Variants in INHBC observed in about 807,000 individuals in gnomAD.
The protein encoded by INHBC is inhibin subunit beta C, also known as inhibin beta C chain.
A neutral mutation model predicts 12.4 loss-of-function variants in INHBC; 10 were observed. That is an observed-to-expected ratio of 0.81 (90% CI 0.50 to 1.37). INHBC has a LOEUF of 1.37. Among genes scored for constraint, INHBC ranks in the 40% most tolerant of loss-of-function variants. The pLI is 0.00. For missense variants in INHBC, 382 were observed against 439.4 expected (o/e 0.87, Z 1.17); for synonymous variants, 147 against 171.6 (o/e 0.86, Z 1.12).
rs1439593850 is a variant in INHBC at position 57,435,318 on chromosome 12, A to G, written c.313+119A>G. Reference sequence around the variant, plus strand: ...AAACCATCCAACCCCTGCTTCCCACAGGCTATAATCTCCTTACCCAGGTGT... The same window carrying G: ...AAACCATCCAACCCCTGCTTCCCACGGGCTATAATCTCCTTACCCAGGTGT... On this transcript the variant is annotated intron_variant, in intron 1 of 1. Transcript: ENST00000309668. 9.3e-6 allele frequency: 9 copies of G among 970,888 alleles called. No homozygotes were observed. The African/African-American group carries it at 1.5e-4, about 16-fold the overall frequency. The allele number at this position is 970,888 out of a possible 1,614,324, so 60.1% of individuals were successfully genotyped here. A position where few individuals can be genotyped will look rare whatever the true frequency, so the allele number is the denominator to read the frequency against.
At chr12:57,437,494 C>T (rs894595756) in intron 1 of INHBC, among the ~76,000 whole-genome samples, 6 of 151,488 alleles carry the variant, frequency 4.0e-5, no homozygotes, top group East Asian at 2.0e-4. Flanking sequence ...ATGGTGAAAC[C>T]CCGTCTCTAC....
At chr12:57,446,241 A>C (rs1029169979) in intron 1 of INHBC, among the ~76,000 whole-genome samples, 22 of 151,408 alleles carry the variant, frequency 1.5e-4, no homozygotes, top group Admixed American at 1.4e-3. Flanking sequence ...CGGCCTAAAA[A>C]TTTTTTTTTA....
At chr12:57,448,246 G>T (rs1007786372) in intron 1 of INHBC, among the ~76,000 whole-genome samples, 40 of 151,930 alleles carry the variant, frequency 2.6e-4, no homozygotes, top group Non-Finnish European at 3.5e-4. Flanking sequence ...TCTGGTCTGG[G>T]CATACAGATT....
At chr12:57,437,112 G>T (rs1403035604) in intron 1 of INHBC, among the ~76,000 whole-genome samples, 1 of 152,106 alleles carries the variant, frequency 6.6e-6, no homozygotes, top group Non-Finnish European at 1.5e-5. Context: ...ATAGCTGGGT[G>T]CGGTGGAGTG....
At chr12:57,446,850 G>A (rs1870589718) in intron 1 of INHBC, among the ~76,000 whole-genome samples, 1 of 151,990 alleles carries the variant, frequency 6.6e-6, no homozygotes, top group African/African-American at 2.4e-5. Context: ...TGTCGATAGA[G>A]GAGAAAAAGA....
intron 1 of INHBC, among the ~76,000 whole-genome samples, chr12:57,441,767 C>A (rs1870471239): frequency 6.6e-6 from 1 of 151,624 alleles, no homozygotes; most frequent in South Asian, 2.1e-4. Context: ...CTGCAACCTC[C>A]ATCTCCAGGG....
rs1241342566 is a variant in INHBC at position 57,447,892 on chromosome 12, AATATATATATATATATAT to A, written c.314-1371_314-1354del. On this transcript the variant is annotated intron_variant, in intron 1 of 1. Transcript: ENST00000309668. ...AAAAAAAAAAAAAAAAAAAAAAAAA[AATATATATATATATATAT>A]ATATATATATATAAAATATATGTGT... Among the ~76,000 whole-genome samples the A allele has an allele frequency of 1.5e-3, 30 of 19,880 alleles. No individual in the cohort carries two copies. The South Asian group carries it at 0.041, about 27-fold the overall frequency. The allele number at this position is 19,880 out of a possible 152,430, so 13.0% of individuals were successfully genotyped here. A position where few individuals can be genotyped will look rare whatever the true frequency, so the allele number is the denominator to read the frequency against.
intron 1 of INHBC, among the ~76,000 whole-genome samples, chr12:57,444,526 G>A (rs1870535215): frequency 6.9e-6 from 1 of 145,022 alleles, no homozygotes; most frequent in Non-Finnish European, 1.5e-5. Context: ...GGGTGACAGA[G>A]CAAGACTCTG....
At chr12:57,440,301 C>A (rs1421198297) in intron 1 of INHBC, among the ~76,000 whole-genome samples, 2 of 145,806 alleles carry the variant, frequency 1.4e-5, no homozygotes, top group Admixed American at 6.9e-5. Flanking sequence ...GAAATATTTT[C>A]TCTAAATTCT....
chr12:57,446,446 G>A (rs1252346812), intron 1 of INHBC, among the ~76,000 whole-genome samples: 1 of 147,920 alleles, frequency 6.8e-6, no homozygotes, highest in Non-Finnish European at 1.5e-5. Context: ...GAAGAGAAGG[G>A]AGCTTAGGAC....
Position 57,434,843 on chromosome 12 carries a change from C to G in INHBC, c.-44C>G. 3.9e-6 allele frequency: 6 copies of G among 1,553,034 alleles called. No individual in the cohort carries two copies. The highest frequency in any genetic ancestry group is 5.3e-6 in the Non-Finnish European group (6 of 1,142,184). ...AGTTGAGACCACAGCTGTTGAGACCCTGAGCCCTGAGTCTGTATTGCTCAA... is the reference window on the plus strand; with the variant it reads ...AGTTGAGACCACAGCTGTTGAGACCGTGAGCCCTGAGTCTGTATTGCTCAA... On this transcript the variant is annotated 5_prime_UTR_variant, in exon 1 of 2. Transcript: ENST00000309668.
rs192634299 is a variant in INHBC at position 57,451,648 on chromosome 12, G to A, written c.*1626G>A. ...CTCAGTTTATGACCCCCTCCTATGA[G>A]GGTAAGAGGTCCCTGAAATAGGAAC... On this transcript the variant is annotated 3_prime_UTR_variant, in exon 2 of 2. Coordinates refer to ENST00000309668, the MANE Select transcript of INHBC (RefSeq NM_005538.4). Among the ~76,000 whole-genome samples, 21 of 152,260 alleles carry A rather than the reference G, an allele frequency of 1.4e-4. No individual in the cohort carries two copies. Among genetic ancestry groups the A allele is most frequent in the African/African-American group, 4.6e-4 (19 of 41,548 alleles).
At position 57,434,786 on chromosome 12, in the gene INHBC, A is replaced by T. The variant is rs557996031; in HGVS notation, c.-101A>T. ...AAGGAGCCATGCCAGCTGGACACAC[A>T]CTTCTTCCAGGGCCTCTGGCAGCCA... On this transcript the variant is annotated 5_prime_UTR_variant, in exon 1 of 2. Transcript: ENST00000309668. 1 of 1,117,104 alleles carries T rather than the reference A, an allele frequency of 9.0e-7. No individual in the cohort carries two copies. Among genetic ancestry groups the T allele is most frequent in the South Asian group, 1.6e-5 (1 of 64,494 alleles). The allele number at this position is 1,117,104 out of a possible 1,614,324, so 69.2% of individuals were successfully genotyped here. A position where few individuals can be genotyped will look rare whatever the true frequency, so the allele number is the denominator to read the frequency against.
At chr12:57,441,541 A>G (rs1594727456) in intron 1 of INHBC, among the ~76,000 whole-genome samples, 2 of 152,018 alleles carry the variant, frequency 1.3e-5, no homozygotes, top group Admixed American at 1.3e-4. Context: ...AAAAAAAAAA[A>G]AAAGTCAATG....
chr12:57,443,066 T>C (rs557639622), intron 1 of INHBC, among the ~76,000 whole-genome samples: 13 of 151,710 alleles, frequency 8.6e-5, no homozygotes, highest in Admixed American at 2.0e-4. Context: ...ATACCCCGCC[T>C]TTTTGAGCCC....
chr12:57,449,264 C>T lies in INHBC; in HGVS notation c.314-13C>T, dbSNP rs746329048. On this transcript the variant is annotated splice_polypyrimidine_tract_variant and intron_variant, in intron 1 of 1. Coordinates refer to ENST00000309668, the MANE Select transcript of INHBC (RefSeq NM_005538.4). ...CAGAAGGCCGCAATGACTGGGGCTT[C>T]TTATGTCCACAGGCCTCTCCACCAT... 63 of 1,600,196 alleles carry T rather than the reference C, an allele frequency of 3.9e-5. No homozygotes were observed. Among genetic ancestry groups the T allele is most frequent in the Non-Finnish European group, 4.9e-5 (57 of 1,173,514 alleles).
At chr12:57,449,185 T>C (rs1368217398) in intron 1 of INHBC, 92 bp from the exon 2 acceptor site, 31 of 1,466,278 alleles carry the variant, frequency 2.1e-5, no homozygotes, top group Non-Finnish European at 2.8e-6. Context: ...TGCCAAGTGC[T>C]ATAGACAACT....
intron 1 of INHBC, among the ~76,000 whole-genome samples, chr12:57,445,718 C>CG (rs928982503): frequency 6.9e-6 from 1 of 145,110 alleles, no homozygotes; most frequent in East Asian, 2.3e-4. Flanking sequence ...GTGAGACCCC[C>CG]CGCCCATCTC....
At chr12:57,437,408 G>A (rs1870366221) in intron 1 of INHBC, among the ~76,000 whole-genome samples, 2 of 152,012 alleles carry the variant, frequency 1.3e-5, no homozygotes, top group Non-Finnish European at 2.9e-5. Context: ...GGTGGCTCAC[G>A]CCTGTAATCC....
Sources: gnomAD v4.1 joint callset for allele counts (sites outside exome capture counted in the v4.1 genomes callset) on GRCh38, gnomAD v4.1.1 for gene constraint, MANE v1.5 for transcripts, NCBI Gene and HGNC (gene_info 2026-07-23, HGNC 2026-07-21) for gene names.